The following DNAH6 variants were observed in gnomAD, a reference collection of about 807,000 sequenced individuals.
DNAH6 encodes dynein axonemal heavy chain 6.
DNAH6 carries 340 observed loss-of-function variants against 491.4 expected under a neutral mutation model. The ratio of observed to expected loss-of-function variants is 0.69; its 90% CI spans 0.63 to 0.76. The LOEUF is 0.76. Ranked by LOEUF, DNAH6 falls within the 30% of genes least tolerant of loss-of-function variation. The probability of loss-of-function intolerance (pLI) is 0.00; values close to 1 mark genes in which losing one functional copy is unlikely to be tolerated. For missense variants in DNAH6, 4,443 were observed against 4,972.2 expected (o/e 0.89, Z 3.20); for synonymous variants, 1,603 against 1,686.1 (o/e 0.95, Z 1.21).
chr2:84,671,886 G>A (rs1281218247), intron 39 of DNAH6, among the ~76,000 whole-genome samples: 5 of 152,214 alleles, frequency 3.3e-5, no homozygotes, highest in African/African-American at 1.2e-4. Context: ...GGATGCTTTT[G>A]AATATCTAAT....
At chr2:84,728,422 C>A (rs968347885) in intron 61 of DNAH6, among the ~76,000 whole-genome samples, 1 of 152,162 alleles carries the variant, frequency 6.6e-6, no homozygotes, top group Non-Finnish European at 1.5e-5. Context: ...GGTCAGGAGG[C>A]CCATGTTATA....
intron 18 of DNAH6, among the ~76,000 whole-genome samples, chr2:84,601,657 A>G (rs1312975752): frequency 6.6e-6 from 1 of 151,664 alleles, no homozygotes; most frequent in African/African-American, 2.4e-5. Context: ...TTTTTAATCC[A>G]GTCTGACATT....
At chr2:84,738,400 A>G (rs937993748) in intron 62 of DNAH6, among the ~76,000 whole-genome samples, 6 of 151,882 alleles carry the variant, frequency 4.0e-5, no homozygotes, top group Non-Finnish European at 7.4e-5. Flanking sequence ...GAATTGGTCA[A>G]TTTTCTGCCT....
chr2:84,592,490 G>C (rs1431349147), intron 16 of DNAH6, among the ~76,000 whole-genome samples: 1 of 152,184 alleles, frequency 6.6e-6, no homozygotes, highest in East Asian at 1.9e-4. Flanking sequence ...TTACACTGTA[G>C]ATGAGAATTA....
At position 84,552,969 on chromosome 2, in the gene DNAH6, T is replaced by C; in HGVS notation, c.1537T>C (p.Phe513Leu). ...AGAAGATGAATCTCTCATCCCCATG[T>C]TTCTCACAGAACTAATGTTGACAGT... ...QEEDESLIPM[F>L]LTELMLTVQS... The change falls in exon 10 of 77, where the codon TTT becomes CTT. Residue 513 changes from phenylalanine to leucine, a missense_variant. Physicochemically the swap from Phe to Leu is conservative, Grantham distance 22 (BLOSUM62 0). Coordinates refer to ENST00000389394, the MANE Select transcript of DNAH6 (RefSeq NM_001370.2). 1 of 1,612,436 alleles carries C rather than the reference T, an allele frequency of 6.2e-7. No individual in the cohort carries two copies. Among genetic ancestry groups the C allele is most frequent in the Non-Finnish European group, 8.5e-7 (1 of 1,179,364 alleles).
rs2104294213 is a variant in DNAH6, at chr2:84,605,588, T to C, written c.3170T>C (p.Ile1057Thr). The C allele has an allele frequency of 1.3e-5, 20 of 1,548,096 alleles. No individual in the cohort carries two copies. Among genetic ancestry groups the C allele is most frequent in the Non-Finnish European group, 1.5e-5 (17 of 1,144,142 alleles). Residue 1057 changes from isoleucine (I) to threonine (T), a missense_variant, in exon 20 of 77, where the codon ATA becomes ACA. By Grantham distance (89) the Ile-to-Thr change is moderately conservative. Coordinates refer to ENST00000389394, the MANE Select transcript of DNAH6 (RefSeq NM_001370.2). ...TTTATACTGGGCGGCACAGATGACA[T>C]ACAGGTGGGTAACTGGGTTATTGAA... ...DVFILGGTDDIQVLLDDSTIN... is the reference protein window; with the variant it reads ...DVFILGGTDDTQVLLDDSTIN...
At chr2:84,534,952 A>G (rs1012690954) in intron 4 of DNAH6, among the ~76,000 whole-genome samples, 18 of 151,966 alleles carry the variant, frequency 1.2e-4, no homozygotes, top group African/African-American at 3.9e-4. Context: ...CTTTATTAGA[A>G]AACATATTCT....
At chr2:84,519,078 G>GAGACTCA (rs1282490143) in intron 2 of DNAH6, among the ~76,000 whole-genome samples, 1 of 152,000 alleles carries the variant, frequency 6.6e-6, no homozygotes, top group East Asian at 2.0e-4. Flanking sequence ...CATGGACTAT[G>GAGACTCA]GTAGAGACTC....
intron 70 of DNAH6, among the ~76,000 whole-genome samples, chr2:84,802,771 G>A (rs1393488450): frequency 1.3e-5 from 2 of 152,074 alleles, no homozygotes; most frequent in Non-Finnish European, 2.9e-5. Flanking sequence ...CTTCTCATCT[G>A]CACACAAAAC....
the DNAH6 span, among the ~76,000 whole-genome samples, chr2:84,486,704 A>G: frequency 6.6e-6 from 1 of 152,164 alleles, no homozygotes; most frequent in African/African-American, 2.4e-5. Flanking sequence ...CCAGGTCTAC[A>G]TGGCTGTTTG....
the DNAH6 span, among the ~76,000 whole-genome samples, chr2:84,479,674 A>C: frequency 6.6e-6 from 1 of 152,194 alleles, no homozygotes; most frequent in Admixed American, 6.5e-5. Context: ...ACCATAAAAG[A>C]GACCCAAGAG....
intron 63 of DNAH6, among the ~76,000 whole-genome samples, chr2:84,753,065 GTTA>G (rs1300157871): frequency 6.6e-6 from 1 of 152,108 alleles, no homozygotes; most frequent in Non-Finnish European, 1.5e-5. Flanking sequence ...CACAACATTT[GTTA>G]TTATCTTTTT....
chr2:84,659,267 CTT>C, intron 37 of DNAH6, 98 bp downstream of exon 37: 1 of 652,106 alleles, frequency 1.5e-6, no homozygotes, highest in South Asian at 4.4e-5. Context: ...GAAAATATAA[CTT>C]ATACACTAAA....
At position 84,605,526 on chromosome 2, in the gene DNAH6, A is replaced by G. The variant is rs1573193397; in HGVS notation, c.3108A>G (p.Glu1036=). The change falls in exon 20 of 77, where the codon GAA becomes GAG. Residue 1036 remains glutamate, a synonymous_variant. Coordinates refer to ENST00000389394, the MANE Select transcript of DNAH6 (RefSeq NM_001370.2). ...TGGAGGACTCTTGGAAAACAACTGA[A>G]TTTGTCATTCTGCCTCACCGTGACT... is the stretch of plus-strand genomic sequence containing the variant. The part of the protein sequence containing the change: ...KKVEDSWKTT[E]FVILPHRDSK... The G allele has an allele frequency of 6.4e-7, 1 of 1,551,504 alleles. No homozygotes were observed.
At chr2:84,672,697 A>G (rs765788532) in intron 40 of DNAH6, among the ~76,000 whole-genome samples, 1 of 152,160 alleles carries the variant, frequency 6.6e-6, no homozygotes, top group South Asian at 2.1e-4. Flanking sequence ...ATGTCTTTAC[A>G]TGGGCTTCTC....
chr2:84,814,203 C>A, intron 75 of DNAH6, 81 bp downstream of exon 75: 1 of 1,403,410 alleles, frequency 7.1e-7, no homozygotes. Flanking sequence ...CCATGCCCCA[C>A]TCCCCCACCA....
chr2:84,577,219 T>G, intron 12 of DNAH6, 38 bp from the exon 13 acceptor site: 1 of 1,284,840 alleles, frequency 7.8e-7, no homozygotes, highest in Non-Finnish European at 1.1e-6. Flanking sequence ...AAATCCAATA[T>G]GGTATATTTT....
chr2:84,515,587 A>G (rs919964907), upstream of DNAH6, among the ~76,000 whole-genome samples: 1 of 152,232 alleles, frequency 6.6e-6, no homozygotes, highest in Admixed American at 6.5e-5. Context: ...AACAAATATC[A>G]AGGTAACAAA....
At chr2:84,759,839 G>A (rs1674399197) in intron 63 of DNAH6, among the ~76,000 whole-genome samples, 1 of 152,058 alleles carries the variant, frequency 6.6e-6, no homozygotes, top group Admixed American at 6.6e-5. Flanking sequence ...AAAGCTGGAA[G>A]CATCACATTA....
Sources: allele counts gnomAD v4.1 joint callset (sites outside exome capture counted in the v4.1 genomes callset), GRCh38; gene constraint gnomAD v4.1.1; transcripts MANE v1.5; gene names NCBI Gene and HGNC (gene_info 2026-07-23, HGNC 2026-07-21).